RPS6KC1: variants seen among roughly 807,000 people sequenced by gnomAD.
RPS6KC1 encodes ribosomal protein S6 kinase C1, also known as inactive ribosomal protein S6 kinase delta-1.
In RPS6KC1, 54 loss-of-function variants were observed where a neutral mutation model predicts 103.8. That is an observed-to-expected ratio of 0.52 (90% confidence interval 0.42 to 0.65). The LOEUF is 0.65. Among genes scored for constraint, RPS6KC1 ranks in the 30% least tolerant of loss-of-function variants. The probability of loss-of-function intolerance (pLI) is 0.00; values close to 1 mark genes in which losing one functional copy is unlikely to be tolerated. For synonymous variants in RPS6KC1, 439 were observed against 438.7 expected, an observed-to-expected ratio of 1.00 and a Z score of -0.01; for missense variants, 1,151 against 1,253.8, an observed-to-expected ratio of 0.92 and a Z score of 1.24.
At chr1:213,340,396 G>T in the RPS6KC1 span, among the ~76,000 whole-genome samples, 1 of 152,206 alleles carries the variant, frequency 6.6e-6, no homozygotes, top group Non-Finnish European at 1.5e-5. Context: ...GAAGTCAGAA[G>T]AATGATGCAA....
At chr1:213,200,662 T>C (rs1389069590) in intron 8 of RPS6KC1, among the ~76,000 whole-genome samples, 1 of 151,992 alleles carries the variant, frequency 6.6e-6, no homozygotes, top group Non-Finnish European at 1.5e-5. Context: ...GAGCAAACTT[T>C]AAACTGCACA....
At chr1:213,816,098 C>T in the RPS6KC1 span, among the ~76,000 whole-genome samples, 1 of 152,168 alleles carries the variant, frequency 6.6e-6, no homozygotes. Flanking sequence ...CGCTGTCTTA[C>T]ATGGGTGCAG....
chr1:213,617,918 A>C, the RPS6KC1 span, among the ~76,000 whole-genome samples: 1 of 152,198 alleles, frequency 6.6e-6, no homozygotes, highest in Non-Finnish European at 1.5e-5. Context: ...GAAAAATGTG[A>C]GAGGGGCTAG....
chr1:213,156,953 T>A, intron 6 of RPS6KC1, among the ~76,000 whole-genome samples: 1 of 152,158 alleles, frequency 6.6e-6, no homozygotes, highest in East Asian at 1.9e-4. Flanking sequence ...CTGTTTTATA[T>A]GGTTTGCTTT....
the RPS6KC1 span, among the ~76,000 whole-genome samples, chr1:213,789,287 C>G: frequency 6.6e-6 from 1 of 152,118 alleles, no homozygotes; most frequent in African/African-American, 2.4e-5. Flanking sequence ...TTCAGCCACC[C>G]TAACTCCGGC....
chr1:213,240,047 C>T (rs1410403731), intron 10 of RPS6KC1, among the ~76,000 whole-genome samples: 3 of 152,132 alleles, frequency 2.0e-5, no homozygotes, highest in African/African-American at 7.2e-5. Flanking sequence ...TCAGAATACA[C>T]AGTCGGAATT....
the RPS6KC1 span, among the ~76,000 whole-genome samples, chr1:213,789,140 T>C: frequency 3.9e-5 from 6 of 152,290 alleles, no homozygotes; most frequent in South Asian, 8.3e-4. Context: ...ATTAATTTAC[T>C]TGGGAAAAGA....
intron 8 of RPS6KC1, among the ~76,000 whole-genome samples, chr1:213,200,972 G>A (rs1037808409): frequency 3.3e-5 from 5 of 152,106 alleles, no homozygotes; most frequent in Non-Finnish European, 5.9e-5. Context: ...CCTGTCAGAG[G>A]GTGGCGGGTG....
intron 12 of RPS6KC1, among the ~76,000 whole-genome samples, chr1:213,254,498 A>G (rs2094600302): frequency 6.6e-6 from 1 of 152,218 alleles, no homozygotes; most frequent in South Asian, 2.1e-4. Flanking sequence ...CTTTTTGGGC[A>G]TCTTAGGTTA....
the RPS6KC1 span, among the ~76,000 whole-genome samples, chr1:213,690,732 G>C: frequency 2.0e-5 from 3 of 152,292 alleles, no homozygotes; most frequent in Admixed American, 2.0e-4. Context: ...AGTTTTCTCA[G>C]CTGGGAAATG....
the RPS6KC1 span, among the ~76,000 whole-genome samples, chr1:213,532,470 T>C: frequency 6.6e-6 from 1 of 152,072 alleles, no homozygotes; most frequent in Non-Finnish European, 1.5e-5. Flanking sequence ...TAAAAGTAAT[T>C]TGGGAAATCA....
the RPS6KC1 span, among the ~76,000 whole-genome samples, chr1:213,286,640 TA>T: frequency 2.0e-5 from 3 of 152,212 alleles, no homozygotes; most frequent in African/African-American, 7.2e-5. Context: ...AGTATCCAAA[TA>T]ATGAGAGGTA....
At chr1:213,117,473 C>A in intron 5 of RPS6KC1, 63 bp downstream of exon 5, 1 of 904,398 alleles carries the variant, frequency 1.1e-6, no homozygotes, top group South Asian at 1.5e-5. Flanking sequence ...TAAATCATAT[C>A]TGCATTGCAA....
At chr1:213,298,497 A>C in the RPS6KC1 span, among the ~76,000 whole-genome samples, 1 of 152,064 alleles carries the variant, frequency 6.6e-6, no homozygotes, top group Non-Finnish European at 1.5e-5. Context: ...CATGTTCTTC[A>C]GCCTAGATAC....
chr1:213,500,116 C>A, the RPS6KC1 span, among the ~76,000 whole-genome samples: 4 of 152,090 alleles, frequency 2.6e-5, no homozygotes, highest in Admixed American at 6.5e-5. Context: ...AATTTTTTAC[C>A]TGTTTGACTC....
chr1:213,380,360 A>G, the RPS6KC1 span, among the ~76,000 whole-genome samples: 1 of 152,302 alleles, frequency 6.6e-6, no homozygotes, highest in African/African-American at 2.4e-5. Flanking sequence ...AGGATCAGGA[A>G]AAATAACTAA....
the RPS6KC1 span, among the ~76,000 whole-genome samples, chr1:213,627,650 C>T: frequency 6.6e-6 from 1 of 152,292 alleles, no homozygotes; most frequent in South Asian, 2.1e-4. Context: ...TGAATTTTGA[C>T]AAAGGCCTTT....
At chr1:213,109,512 A>T (rs897540957) in intron 4 of RPS6KC1, among the ~76,000 whole-genome samples, 1 of 152,132 alleles carries the variant, frequency 6.6e-6, no homozygotes, top group East Asian at 1.9e-4. Context: ...CCTTAAATTT[A>T]TTTGTAAGCA....
chr1:213,197,660 A>G (rs538725373), intron 8 of RPS6KC1, among the ~76,000 whole-genome samples: 1 of 152,248 alleles, frequency 6.6e-6, no homozygotes, highest in African/African-American at 2.4e-5. Flanking sequence ...TTGATTTTAT[A>G]TCCTGAAACT....
Sources: gnomAD v4.1 joint callset for allele counts (sites outside exome capture counted in the v4.1 genomes callset) on GRCh38, gnomAD v4.1.1 for gene constraint, MANE v1.5 for transcripts, NCBI Gene and HGNC (gene_info 2026-07-23, HGNC 2026-07-21) for gene names.